Variants in PKIB observed in about 807,000 individuals in gnomAD.
PKIB encodes PKI-beta.
Under a neutral mutation model 4.5 loss-of-function variants are expected in PKIB, and 2 were observed. The ratio of observed to expected loss-of-function variants is 0.44; its 90% CI spans 0.18 to 1.39. The LOEUF (loss-of-function observed/expected upper bound fraction) is 1.39. Ranked by LOEUF, PKIB falls within the 40% of genes most tolerant of loss-of-function variation. PKIB has a pLI of 0.27. For missense variants in PKIB, 94 were observed against 92.6 expected (o/e 1.02, Z -0.06); for synonymous variants, 38 against 36.0 (o/e 1.06, Z -0.20).
At chr6:122,607,889 CTGCCCCAACTTTGCA>C (rs1281636195), upstream of PKIB, among the ~76,000 whole-genome samples, 1 of 152,224 alleles carries the variant, frequency 6.6e-6, no homozygotes, top group East Asian at 1.9e-4. Context: ...TATGCACCTT[CTGCCCCAACTTTGCA>C]TAGTCATCCT....
chr6:122,572,993 C>G (rs1490973356), intron 2 of PKIB, among the ~76,000 whole-genome samples: 1 of 152,070 alleles, frequency 6.6e-6, no homozygotes, highest in Non-Finnish European at 1.5e-5. Flanking sequence ...AAATTGCCAA[C>G]ACAGAAAATT....
intron 2 of PKIB, among the ~76,000 whole-genome samples, chr6:122,515,316 C>T (rs1452478495): frequency 6.6e-6 from 1 of 152,080 alleles, no homozygotes; most frequent in Non-Finnish European, 1.5e-5. Context: ...AAATATTAAA[C>T]ATTAAGAGTT....
intron 2 of PKIB, among the ~76,000 whole-genome samples, chr6:122,502,506 A>G (rs974051107): frequency 1.3e-5 from 2 of 151,842 alleles, no homozygotes; most frequent in South Asian, 4.2e-4. Flanking sequence ...TTCGTTTGGC[A>G]GAACAGAAGA....
intron 3 of PKIB, among the ~76,000 whole-genome samples, chr6:122,696,905 A>G (rs759152415): frequency 6.6e-6 from 1 of 152,186 alleles, no homozygotes; most frequent in African/African-American, 2.4e-5. Context: ...ACATGCTATT[A>G]GTGGTAGGGT....
At chr6:122,617,633 C>G (rs1234285638) in intron 1 of PKIB, among the ~76,000 whole-genome samples, 10 of 152,054 alleles carry the variant, frequency 6.6e-5, no homozygotes, top group Admixed American at 6.6e-4. Context: ...TTCATATTTT[C>G]TTTCAATAAT....
intron 2 of PKIB, among the ~76,000 whole-genome samples, chr6:122,485,892 G>A (rs930538291): frequency 1.4e-4 from 22 of 152,288 alleles, no homozygotes; most frequent in African/African-American, 5.3e-4. Context: ...TTGCATGGAA[G>A]TAATTGTCAC....
intron 2 of PKIB, among the ~76,000 whole-genome samples, chr6:122,578,322 A>G (rs1050622305): frequency 6.6e-6 from 1 of 152,188 alleles, no homozygotes; most frequent in African/African-American, 2.4e-5. Context: ...AAAAGGTGAC[A>G]TAGTTGTTTT....
At chr6:122,559,623 T>C (rs938169786) in intron 2 of PKIB, among the ~76,000 whole-genome samples, 2 of 152,168 alleles carry the variant, frequency 1.3e-5, no homozygotes, top group Non-Finnish European at 2.9e-5. Flanking sequence ...AATTTGTAGA[T>C]TGCTTTTGGT....
Position 122,495,877 on chromosome 6 carries a change from G to T in PKIB, c.-248+17938G>T. 1.3e-5 allele frequency among the ~76,000 whole-genome samples: 2 copies of T among 152,098 alleles called. 1 individual carries two copies. ...TTCCCATGGCTTTCAACCATATTGTGGTCCAGAGTGGTCCAGCTGCTGCAG... is the reference window on the plus strand; with the variant it reads ...TTCCCATGGCTTTCAACCATATTGTTGTCCAGAGTGGTCCAGCTGCTGCAG... On this transcript the variant is annotated intron_variant, in intron 2 of 6. Coordinates refer to the PKIB transcript ENST00000392491.
intron 1 of PKIB, among the ~76,000 whole-genome samples, chr6:122,616,103 A>G (rs1232526696): frequency 1.3e-5 from 2 of 152,166 alleles, no homozygotes; most frequent in Non-Finnish European, 2.9e-5. Context: ...AGGTAAATAT[A>G]ATGATGAGAT....
chr6:122,515,084 A>G (rs1418453589), intron 2 of PKIB, among the ~76,000 whole-genome samples: 4 of 152,208 alleles, frequency 2.6e-5, no homozygotes, highest in Admixed American at 2.6e-4. Flanking sequence ...TTATAAATTC[A>G]TATTTTTTGG....
intron 2 of PKIB, among the ~76,000 whole-genome samples, chr6:122,488,551 A>T (rs1775838034): frequency 6.6e-6 from 1 of 151,706 alleles, no homozygotes; most frequent in Admixed American, 6.6e-5. Flanking sequence ...CCTGCCTCAG[A>T]TTCCAGAGTA....
intron 2 of PKIB, among the ~76,000 whole-genome samples, chr6:122,525,156 TC>T (rs1012946356): frequency 2.6e-5 from 4 of 152,118 alleles, no homozygotes; most frequent in African/African-American, 9.7e-5. Flanking sequence ...ATTTTTATTT[TC>T]CTCTGTTACA....
At chr6:122,672,634 C>T (rs1218446373) in intron 2 of PKIB, among the ~76,000 whole-genome samples, 3 of 151,878 alleles carry the variant, frequency 2.0e-5, no homozygotes, top group Non-Finnish European at 4.4e-5. Flanking sequence ...AATTCTGCAT[C>T]GTACACTGAG....
chr6:122,477,856 A>T (rs1213727236), exon 2 of PKIB: 1 of 152,062 alleles, frequency 6.6e-6, no homozygotes, highest in East Asian at 1.9e-4. Context: ...CACAGTTTTT[A>T]CCCTGTTGAA....
At chr6:122,675,854 G>A (rs1038892757) in intron 3 of PKIB, among the ~76,000 whole-genome samples, 4 of 151,682 alleles carry the variant, frequency 2.6e-5, no homozygotes, top group Non-Finnish European at 1.5e-5. Flanking sequence ...TTTTATTATA[G>A]CACTAAAGCA....
chr6:122,591,225 A>G (rs564773925), intron 3 of PKIB, among the ~76,000 whole-genome samples: 11 of 143,242 alleles, frequency 7.7e-5, no homozygotes, highest in African/African-American at 2.8e-4. Flanking sequence ...CACACCCCCC[A>G]CATACACACA....
At chr6:122,532,234 C>T (rs997789361) in intron 2 of PKIB, among the ~76,000 whole-genome samples, 4 of 152,124 alleles carry the variant, frequency 2.6e-5, no homozygotes, top group Non-Finnish European at 5.9e-5. Context: ...CAACATACTC[C>T]AAGATGGGGA....
At chr6:122,532,578 A>G (rs1777290446) in intron 2 of PKIB, among the ~76,000 whole-genome samples, 1 of 152,148 alleles carries the variant, frequency 6.6e-6, no homozygotes. Flanking sequence ...TTTATCTGTG[A>G]ATTTGACTAT....
Sources: allele counts gnomAD v4.1 joint callset (sites outside exome capture counted in the v4.1 genomes callset), GRCh38; gene constraint gnomAD v4.1.1; transcripts MANE v1.5; gene names NCBI Gene and HGNC (gene_info 2026-07-23, HGNC 2026-07-21).